PTPRR: variants seen among roughly 807,000 people sequenced by gnomAD.
PTPRR encodes receptor-type tyrosine-protein phosphatase R.
Under a neutral mutation model 77.2 loss-of-function variants are expected in PTPRR, and 38 were observed. That is an observed-to-expected ratio of 0.49 (90% confidence interval 0.38 to 0.65). The LOEUF is 0.65. PTPRR is among the 30% of genes least tolerant of loss of function. PTPRR has a pLI of 0.00. For missense variants in PTPRR, 744 were observed against 799.2 expected, an observed-to-expected ratio of 0.93 and a Z score of 0.83; for synonymous variants, 299 against 283.1, an observed-to-expected ratio of 1.06 and a Z score of -0.57.
chr12:70,864,268 A>G (rs1037318642), intron 2 of PTPRR, among the ~76,000 whole-genome samples: 6 of 152,186 alleles, frequency 3.9e-5, no homozygotes, highest in Non-Finnish European at 7.3e-5. Context: ...ATGAAAAGGG[A>G]AAAGCTCTGA....
intron 6 of PTPRR, among the ~76,000 whole-genome samples, chr12:70,718,325 G>A (rs1370813107): frequency 6.6e-6 from 1 of 151,888 alleles, no homozygotes; most frequent in African/African-American, 2.4e-5. Context: ...GAGTGCAATA[G>A]CACGATCTCA....
chr12:70,780,049 T>C (rs1891171059), intron 2 of PTPRR, among the ~76,000 whole-genome samples: 1 of 152,138 alleles, frequency 6.6e-6, no homozygotes, highest in African/African-American at 2.4e-5. Context: ...TGAAGTGCAG[T>C]GGTGCAATCT....
At chr12:70,887,332 G>A (rs1049565841) in intron 2 of PTPRR, among the ~76,000 whole-genome samples, 2 of 151,936 alleles carry the variant, frequency 1.3e-5, no homozygotes, top group Non-Finnish European at 2.9e-5. Flanking sequence ...CGTGCCTATC[G>A]TCCCAGCTAC....
rs567332200 is a variant in PTPRR at position 70,839,612 on chromosome 12, CTT to C, written c.357+53065_357+53066del. Among the ~76,000 whole-genome samples the C allele has an allele frequency of 1.8e-3, 274 of 152,216 alleles. 1 individual carries two copies. Among genetic ancestry groups the C allele is most frequent in the Non-Finnish European group, 2.8e-3 (191 of 68,006 alleles). On this transcript the variant is annotated intron_variant, in intron 2 of 13. Transcript: ENST00000283228. ...ATTATCCATATGGTCTGCAACTACC[CTT>C]TGTTTTAATGGTGTAAGAACACCCA... is the stretch of plus-strand genomic sequence containing the variant.
At chr12:70,789,784 CATTT>C (rs1326314132) in intron 2 of PTPRR, among the ~76,000 whole-genome samples, 1 of 152,064 alleles carries the variant, frequency 6.6e-6, no homozygotes, top group East Asian at 1.9e-4. Flanking sequence ...ATAAAACAAT[CATTT>C]ATACATTACT....
rs1487105726 is a variant in PTPRR at position 70,725,705 on chromosome 12, A to T, written c.1007+20113T>A. On this transcript the variant is annotated intron_variant, in intron 6 of 13. Transcript: ENST00000283228. The stretch of plus-strand genomic sequence containing the variant: ...ACAGAGAAAATGGGGGAAAAGAATT[A>T]AAAAAAATTAGAATTGGTTATTTCT... Among the ~76,000 whole-genome samples, 5 of 152,148 alleles carry T rather than the reference A, an allele frequency of 3.3e-5. No individual in the cohort carries two copies. The East Asian group carries it at 5.8e-4, about 18-fold the overall frequency.
chr12:70,838,691 G>A (rs182675953), intron 2 of PTPRR, among the ~76,000 whole-genome samples: 14 of 152,290 alleles, frequency 9.2e-5, no homozygotes, highest in Non-Finnish European at 1.8e-4. Flanking sequence ...GCAAAGGCTA[G>A]TGAAGCTACC....
intron 6 of PTPRR, among the ~76,000 whole-genome samples, chr12:70,702,531 A>C (rs547753341): frequency 6.6e-6 from 1 of 152,282 alleles, no homozygotes; most frequent in East Asian, 1.9e-4. Flanking sequence ...GACATTAAGA[A>C]ATATTACAGT....
chr12:70,757,194 T>G (rs1434501032), intron 4 of PTPRR, among the ~76,000 whole-genome samples: 1 of 152,250 alleles, frequency 6.6e-6, no homozygotes, highest in Non-Finnish European at 1.5e-5. Flanking sequence ...TACATTTGTA[T>G]GTAATGGCTT....
At chr12:70,791,737 A>G (rs905402319) in intron 2 of PTPRR, among the ~76,000 whole-genome samples, 6 of 152,238 alleles carry the variant, frequency 3.9e-5, no homozygotes, top group African/African-American at 1.2e-4. Flanking sequence ...CTACATAAAT[A>G]TGTTAAAGTC....
intron 2 of PTPRR, among the ~76,000 whole-genome samples, chr12:70,807,400 A>G (rs902985868): frequency 3.9e-5 from 6 of 152,346 alleles, no homozygotes; most frequent in East Asian, 1.9e-4. Flanking sequence ...ATTAAGAACT[A>G]TAGTCATCAT....
At chr12:70,866,814 C>T (rs1418112984) in intron 2 of PTPRR, among the ~76,000 whole-genome samples, 4 of 152,098 alleles carry the variant, frequency 2.6e-5, no homozygotes, top group African/African-American at 4.8e-5. Context: ...TCCAGCAGCA[C>T]ATCAAAAAGC....
chr12:70,824,047 C>T (rs1443656092), intron 2 of PTPRR, among the ~76,000 whole-genome samples: 3 of 152,170 alleles, frequency 2.0e-5, no homozygotes, highest in Non-Finnish European at 4.4e-5. Context: ...CAACGGTTCA[C>T]AGAACCCTTA....
chr12:70,740,390 T>C (rs2136913331), intron 6 of PTPRR, among the ~76,000 whole-genome samples: 1 of 151,642 alleles, frequency 6.6e-6, no homozygotes, highest in East Asian at 2.0e-4. Flanking sequence ...TTTTTCTTTT[T>C]GAGACAGGGT....
At chr12:70,656,647 T>G in intron 13 of PTPRR, 57 bp downstream of exon 13, 239 of 1,203,240 alleles carry the variant, frequency 2.0e-4, no homozygotes, top group Non-Finnish European at 2.7e-4. Flanking sequence ...GTCAGGCTGA[T>G]GAGATCAGGC....
At chr12:70,871,780 A>G (rs1436579904) in intron 2 of PTPRR, among the ~76,000 whole-genome samples, 1 of 152,208 alleles carries the variant, frequency 6.6e-6, no homozygotes, top group African/African-American at 2.4e-5. Flanking sequence ...CTAGAAATTA[A>G]ATGTTCCTGT....
chr12:70,704,636 G>A (rs1255894111), intron 6 of PTPRR, among the ~76,000 whole-genome samples: 2 of 152,086 alleles, frequency 1.3e-5, no homozygotes, highest in Admixed American at 1.3e-4. Flanking sequence ...GCAGAGAGCT[G>A]TGGAAGCATT....
At chr12:70,645,182 G>A (rs1416745029) in intron 13 of PTPRR, among the ~76,000 whole-genome samples, 2 of 152,136 alleles carry the variant, frequency 1.3e-5, no homozygotes, top group Admixed American at 6.6e-5. Context: ...GGGAAGTTGT[G>A]TTTTTTATTG....
At chr12:70,642,218 T>A (rs1886030464) in intron 13 of PTPRR, among the ~76,000 whole-genome samples, 1 of 151,862 alleles carries the variant, frequency 6.6e-6, no homozygotes, top group African/African-American at 2.4e-5. Context: ...CGGTGTAGAT[T>A]AAATAAAAAG....
Sources: gnomAD v4.1 joint callset for allele counts (sites outside exome capture counted in the v4.1 genomes callset) on GRCh38, gnomAD v4.1.1 for gene constraint, MANE v1.5 for transcripts, NCBI Gene and HGNC (gene_info 2026-07-23, HGNC 2026-07-21) for gene names.